The following AGO2 variants were observed in gnomAD, a reference collection of about 807,000 sequenced individuals.
AGO2 encodes argonaute RISC catalytic component 2.
In AGO2, 5 loss-of-function variants were observed where a neutral mutation model predicts 102.3. That is an observed-to-expected ratio of 0.05 (90% confidence interval 0.03 to 0.10). The LOEUF (loss-of-function observed/expected upper bound fraction) is 0.10. Among genes scored for constraint, AGO2 ranks in the 10% least tolerant of loss-of-function variants. The pLI is 1.00. For missense variants in AGO2, 541 were observed against 1,183.7 expected, an observed-to-expected ratio of 0.46 and a Z score of 7.97; for synonymous variants, 449 against 473.1, an observed-to-expected ratio of 0.95 and a Z score of 0.66.
At chr8:140,542,055 G>A (rs758760047) in intron 14 of AGO2, among the ~76,000 whole-genome samples, 5 of 152,088 alleles carry the variant, frequency 3.3e-5, no homozygotes, top group Admixed American at 6.5e-5. Context: ...CAGCATCCCC[G>A]AAGGCACACC....
At position 140,560,480 on chromosome 8, in the gene AGO2, G is replaced by C; in HGVS notation, c.549C>G (p.Thr183=). 1 of 1,614,174 alleles carries C rather than the reference G, an allele frequency of 6.2e-7. No individual in the cohort carries two copies. Among genetic ancestry groups the C allele is most frequent in the Non-Finnish European group, 8.5e-7 (1 of 1,180,012 alleles). ...RYTPVGRSFF[T]ASEGCSNPLG... ...GAGGGTTAGAGCAGCCTTCGGACGC[G>C]GTGAAGAAGGAGCGGCCCACGGGGG... Residue 183 remains threonine (T), a synonymous_variant, in exon 5 of 19, where the codon ACC becomes ACG. Coordinates refer to ENST00000220592, the MANE Select transcript of AGO2 (RefSeq NM_012154.5).
chr8:140,641,295 A>AACACACACACAC, the AGO2 span, among the ~76,000 whole-genome samples: 60 of 146,974 alleles, frequency 4.1e-4, no homozygotes, highest in African/African-American at 1.3e-3. Flanking sequence ...GCTGTCTCAA[A>AACACACACACAC]ACACACACAC....
At chr8:140,544,536 C>A (rs1300012700) in intron 13 of AGO2, among the ~76,000 whole-genome samples, 2 of 151,826 alleles carry the variant, frequency 1.3e-5, no homozygotes, top group African/African-American at 4.9e-5. Context: ...GTACTCCAGA[C>A]CAGATGGGCC....
rs976935533 is a variant in AGO2, at chr8:140,593,568, A to C, written c.23-8257T>G. On this transcript the variant is annotated intron_variant, in intron 1 of 18. Coordinates refer to ENST00000220592, the MANE Select transcript of AGO2 (RefSeq NM_012154.5). ...GGAAAGTTAAAAAAAAAAAAAAAAA[A>C]AAACTTTGTGCCCTTTTACAGTAAC... 3.3e-5 allele frequency among the ~76,000 whole-genome samples: 5 copies of C among 151,944 alleles called. No individual in the cohort carries two copies. The South Asian group carries it at 8.3e-4, about 25-fold the overall frequency.
chr8:140,611,756 C>T (rs2074081411), intron 1 of AGO2, among the ~76,000 whole-genome samples: 1 of 152,136 alleles, frequency 6.6e-6, no homozygotes, highest in Admixed American at 6.6e-5. Context: ...GCTGTGACCT[C>T]GAGTAGGGTG....
rs151061779 is a variant in AGO2, at chr8:140,551,078, T to C, written c.1403+225A>G. Among the ~76,000 whole-genome samples the C allele has an allele frequency of 1.5e-3, 225 of 152,370 alleles. 5 individuals are homozygous for C. In the East Asian group the frequency reaches 0.031, roughly 21 times the overall value. On this transcript the variant is annotated intron_variant, in intron 11 of 18. Coordinates refer to ENST00000220592, the MANE Select transcript of AGO2 (RefSeq NM_012154.5). ...GTCTGCGTTACTTCTCCATGCTCAC[T>C]GCGAGGGTGGGTCCCAGGAGTGAGA...
At chr8:140,560,330 T>C in intron 5 of AGO2, 44 bp downstream of exon 5, 1 of 1,595,450 alleles carries the variant, frequency 6.3e-7, no homozygotes, top group Non-Finnish European at 8.6e-7. Context: ...CCCCAGCCCA[T>C]GCCCAACCCT....
At chr8:140,607,833 T>C (rs759797971) in intron 1 of AGO2, among the ~76,000 whole-genome samples, 2 of 152,106 alleles carry the variant, frequency 1.3e-5, no homozygotes, top group East Asian at 1.9e-4. Context: ...TTCCAGGCGA[T>C]GGAAACGTCT....
chr8:140,595,924 T>C (rs1283888414), intron 1 of AGO2, among the ~76,000 whole-genome samples: 1 of 99,688 alleles, frequency 1.0e-5, no homozygotes, highest in Admixed American at 1.5e-4. Flanking sequence ...ATATATTATG[T>C]ATATAAATTA....
chr8:140,576,105 G>C (rs2073459587), intron 2 of AGO2, among the ~76,000 whole-genome samples: 1 of 152,172 alleles, frequency 6.6e-6, no homozygotes, highest in South Asian at 2.1e-4. Context: ...TTGGGATCAG[G>C]AGTTTGAGAC....
chr8:140,579,667 CT>C (rs398068342), intron 2 of AGO2, among the ~76,000 whole-genome samples: 116 of 146,150 alleles, frequency 7.9e-4, no homozygotes, highest in Middle Eastern at 3.5e-3. Context: ...TTTTGTTGTT[CT>C]TTTTTTTTTT....
At chr8:140,551,480 A>C (rs2072994523) in intron 10 of AGO2, 44 bp from the exon 11 acceptor site, 1 of 1,471,914 alleles carries the variant, frequency 6.8e-7, no homozygotes, top group Middle Eastern at 2.0e-4. Context: ...AATGGAAAAC[A>C]TATTCCTTCA....
chr8:140,598,347 G>A (rs1176156648), intron 1 of AGO2, among the ~76,000 whole-genome samples: 1 of 152,258 alleles, frequency 6.6e-6, no homozygotes, highest in Non-Finnish European at 1.5e-5. Flanking sequence ...TTTGCGTTCC[G>A]TTACTTGAGG....
intron 10 of AGO2, among the ~76,000 whole-genome samples, chr8:140,554,838 C>T (rs554545035): frequency 6.7e-4 from 102 of 152,094 alleles, no homozygotes; most frequent in Non-Finnish European, 1.1e-3. Flanking sequence ...ACTACAGGTG[C>T]GCACCACCAC....
chr8:140,612,623 G>A (rs2074095961), intron 1 of AGO2, among the ~76,000 whole-genome samples: 1 of 151,958 alleles, frequency 6.6e-6, no homozygotes, highest in African/African-American at 2.4e-5. Flanking sequence ...AGCCGGGTGT[G>A]GTGGCTGTAA....
rs147587992 is a variant in AGO2 at position 140,613,160 on chromosome 8, A to T, written c.22+22325T>A. 5.8e-3 allele frequency among the ~76,000 whole-genome samples: 888 copies of T among 152,272 alleles called. 8 individuals carry two copies. The highest frequency in any genetic ancestry group is 9.4e-3 in the Non-Finnish European group (641 of 68,016). ...GCTTGCAGTGAGCCGAGATAGCGCCACTGCACTCCAGCCTGGGCGACAGAG... is the reference window on the plus strand; with the variant it reads ...GCTTGCAGTGAGCCGAGATAGCGCCTCTGCACTCCAGCCTGGGCGACAGAG... On this transcript the variant is annotated intron_variant, in intron 1 of 18. Transcript: ENST00000220592.
chr8:140,553,593 G>T (rs1013669418), intron 10 of AGO2, among the ~76,000 whole-genome samples: 2 of 150,760 alleles, frequency 1.3e-5, no homozygotes, highest in Admixed American at 6.6e-5. Flanking sequence ...ATTTTTAGTA[G>T]AGACGGGATT....
At chr8:140,594,108 C>G (rs1039074555) in intron 1 of AGO2, among the ~76,000 whole-genome samples, 5 of 152,164 alleles carry the variant, frequency 3.3e-5, no homozygotes, top group Non-Finnish European at 7.3e-5. Flanking sequence ...TACTCCTGCT[C>G]TCAGGGCGCT....
chr8:140,581,581 C>G (rs2073558024), intron 2 of AGO2, among the ~76,000 whole-genome samples: 1 of 152,072 alleles, frequency 6.6e-6, no homozygotes, highest in Non-Finnish European at 1.5e-5. Context: ...GGAGTACCCC[C>G]TAAATCACAG....
Sources: allele counts gnomAD v4.1 joint callset (sites outside exome capture counted in the v4.1 genomes callset), GRCh38; gene constraint gnomAD v4.1.1; transcripts MANE v1.5; gene names NCBI Gene and HGNC (gene_info 2026-07-23, HGNC 2026-07-21).